The following CNTNAP2 variants were observed in gnomAD, a reference collection of about 807,000 sequenced individuals.
The protein encoded by CNTNAP2 is contactin-associated protein-like 2.
A neutral mutation model predicts 155.2 loss-of-function variants in CNTNAP2; 98 were observed. The ratio of observed to expected loss-of-function variants is 0.63; its 90% confidence interval spans 0.54 to 0.75. CNTNAP2 has a LOEUF of 0.75. Ranked by LOEUF, CNTNAP2 falls within the 30% of genes least tolerant of loss-of-function variation. The pLI is 0.00. For synonymous variants in CNTNAP2, 651 were observed against 631.2 expected (o/e 1.03, Z -0.47); for missense variants, 1,727 against 1,688.1 (o/e 1.02, Z -0.40).
intron 4 of CNTNAP2, chr7:147,083,347 G>C (rs1045870039): frequency 2.0e-5 from 3 of 151,860 alleles, no homozygotes; most frequent in Admixed American, 2.0e-4. Context: ...ACAAACTAAC[G>C]TTTGGAATAT....
chr7:146,320,694 A>G (rs189375427), intron 1 of CNTNAP2, among the ~76,000 whole-genome samples: 9 of 152,198 alleles, frequency 5.9e-5, no homozygotes, highest in African/African-American at 2.2e-4. Context: ...TCATCTGATT[A>G]TACAAGTATA....
chr7:146,881,886 T>C (rs779214521), intron 3 of CNTNAP2, among the ~76,000 whole-genome samples: 5 of 151,744 alleles, frequency 3.3e-5, no homozygotes, highest in Non-Finnish European at 1.5e-5. Context: ...GGTGCTGAGG[T>C]TTGAAGCACA....
intron 16 of CNTNAP2, among the ~76,000 whole-genome samples, chr7:148,146,751 A>G (rs1418538159): frequency 6.6e-6 from 1 of 152,090 alleles, no homozygotes; most frequent in Non-Finnish European, 1.5e-5. Flanking sequence ...ACAATAGGTC[A>G]CCCTCATTAC....
At chr7:146,140,569 C>T (rs1584768898) in intron 1 of CNTNAP2, among the ~76,000 whole-genome samples, 2 of 152,004 alleles carry the variant, frequency 1.3e-5, no homozygotes, top group South Asian at 2.1e-4. Context: ...TTCAAGTGTT[C>T]GGCTTGAGGT....
At chr7:147,172,929 G>A (rs1030404191) in intron 8 of CNTNAP2, among the ~76,000 whole-genome samples, 30 of 152,126 alleles carry the variant, frequency 2.0e-4, no homozygotes, top group East Asian at 5.8e-4. Context: ...ACAAAATATC[G>A]TAATATAACT....
intron 12 of CNTNAP2, among the ~76,000 whole-genome samples, chr7:147,589,247 G>C (rs2116840969): frequency 6.6e-6 from 1 of 152,236 alleles, no homozygotes; most frequent in South Asian, 2.1e-4. Flanking sequence ...AAAGTTTTAA[G>C]ACTAGAACTC....
chr7:148,193,134 A>AT (rs1795226837), intron 18 of CNTNAP2, among the ~76,000 whole-genome samples: 1 of 152,182 alleles, frequency 6.6e-6, no homozygotes, highest in African/African-American at 2.4e-5. Flanking sequence ...TATTGCAAAT[A>AT]TTTTTCCTAC....
intron 19 of CNTNAP2, among the ~76,000 whole-genome samples, 169 bp from the exon 20 acceptor site, chr7:148,229,477 A>T (rs1314415782): frequency 5.9e-5 from 9 of 152,162 alleles, no homozygotes. Flanking sequence ...GTGAGCCAAG[A>T]TCGCACCATT....
chr7:146,167,681 G>A (rs1012757116), intron 1 of CNTNAP2, among the ~76,000 whole-genome samples: 18 of 152,174 alleles, frequency 1.2e-4, no homozygotes, highest in Non-Finnish European at 1.5e-4. Context: ...GAAAGATACT[G>A]AATTTTTGTT....
intron 1 of CNTNAP2, among the ~76,000 whole-genome samples, chr7:146,241,568 A>G (rs1000994725): frequency 3.3e-5 from 5 of 152,108 alleles, no homozygotes; most frequent in Non-Finnish European, 7.3e-5. Flanking sequence ...AAGACTTATA[A>G]TAACTCATTG....
intron 22 of CNTNAP2, among the ~76,000 whole-genome samples, chr7:148,394,982 GTTATT>G (rs1563071897): frequency 6.6e-6 from 1 of 152,094 alleles, no homozygotes; most frequent in African/African-American, 2.4e-5. Flanking sequence ...GATAATACCC[GTTATT>G]TTATCTTTTT....
chr7:146,529,875 G>T (rs1249514437), intron 1 of CNTNAP2, among the ~76,000 whole-genome samples: 1 of 152,080 alleles, frequency 6.6e-6, no homozygotes, highest in Admixed American at 6.5e-5. Flanking sequence ...TGAGGCAGGA[G>T]AATTTCTTGA....
chr7:148,360,029 C>G (rs993987194), intron 21 of CNTNAP2, among the ~76,000 whole-genome samples: 2 of 152,136 alleles, frequency 1.3e-5, no homozygotes, highest in East Asian at 3.9e-4. Context: ...CCATAAACCC[C>G]TTTAGAACAT....
chr7:148,105,620 C>T (rs560767026), intron 15 of CNTNAP2, among the ~76,000 whole-genome samples: 1 of 150,944 alleles, frequency 6.6e-6, no homozygotes, highest in East Asian at 1.9e-4. Context: ...TGGAGTCTTG[C>T]TCTGTTGCCC....
chr7:147,712,966 A>G (rs554150495), intron 13 of CNTNAP2, among the ~76,000 whole-genome samples: 3 of 152,116 alleles, frequency 2.0e-5, no homozygotes, highest in Non-Finnish European at 4.4e-5. Flanking sequence ...GTAAAGCCCA[A>G]TCTTTCCTCT....
chr7:147,809,896 G>A (rs75810140), intron 13 of CNTNAP2, among the ~76,000 whole-genome samples: 4,869 of 152,244 alleles, frequency 0.032, 131 homozygotes, highest in Non-Finnish European at 0.051. Context: ...GAGGGGTTCT[G>A]ATTCAGTCAC....
At chr7:146,983,212 C>A (rs930250640) in intron 3 of CNTNAP2, among the ~76,000 whole-genome samples, 2 of 152,104 alleles carry the variant, frequency 1.3e-5, no homozygotes, top group African/African-American at 4.8e-5. Flanking sequence ...ATTGTGTTTT[C>A]TGCTGAAAGA....
intron 13 of CNTNAP2, among the ~76,000 whole-genome samples, chr7:147,832,531 ATTTTTATATTTCAATATATTATATTG>A (rs1798566517): frequency 1.4e-5 from 2 of 145,934 alleles, no homozygotes; most frequent in Non-Finnish European, 3.0e-5. Context: ...ATTTCAATAT[ATTTTTATATTTCAATATATTATATTG>A]AAATATATTA....
chr7:148,273,964 G>A (rs1284948174), intron 21 of CNTNAP2, among the ~76,000 whole-genome samples: 1 of 152,132 alleles, frequency 6.6e-6, no homozygotes, highest in Non-Finnish European at 1.5e-5. Context: ...TCTTCACACA[G>A]AAGGAACTGA....
Sources: allele counts gnomAD v4.1 joint callset (sites outside exome capture counted in the v4.1 genomes callset), GRCh38; gene constraint gnomAD v4.1.1; transcripts MANE v1.5; gene names NCBI Gene and HGNC (gene_info 2026-07-23, HGNC 2026-07-21).